KANSL1: variants seen among roughly 807,000 people sequenced by gnomAD.
KANSL1 encodes the protein MLL1/MLL complex subunit KANSL1.
Under a neutral mutation model 103.6 loss-of-function variants are expected in KANSL1, and 22 were observed. The ratio of observed to expected loss-of-function variants is 0.21; its 90% CI spans 0.15 to 0.30. KANSL1 has a LOEUF of 0.30. KANSL1 is among the 10% of genes least tolerant of loss of function. The pLI is 1.00. For synonymous variants in KANSL1, 600 were observed against 527.6 expected (o/e 1.14, Z -1.88); for missense variants, 1,337 against 1,399.8 (o/e 0.96, Z 0.72).
chr17:46,128,404 G>A (rs945501534), intron 2 of KANSL1, among the ~76,000 whole-genome samples: 4 of 152,140 alleles, frequency 2.6e-5, no homozygotes, highest in African/African-American at 7.2e-5. Context: ...CCCCTAACAG[G>A]AGGAAATTCA....
chr17:46,096,245 T>C (rs2042058305), intron 2 of KANSL1, among the ~76,000 whole-genome samples: 3 of 149,056 alleles, frequency 2.0e-5, no homozygotes, highest in Non-Finnish European at 1.5e-5. Flanking sequence ...TTGCTTAAGC[T>C]ATCCTCCCAC....
intron 1 of KANSL1, chr17:46,222,100 TA>T (rs2048549535): frequency 2.0e-5 from 3 of 148,740 alleles, no homozygotes. Flanking sequence ...GTAAGGAACA[TA>T]ATATTAAGGC....
chr17:46,033,099 G>T lies in KANSL1; in HGVS notation c.2818C>A (p.Pro940Thr). ...CATCACCTGCTGCCCCGCCGCTGGG[G>T]TGGCACACTCGTGGTCCACAGCCAC... ...ARWLWTTSVPPQRRGSRSYRS... is the reference protein window; with the variant it reads ...ARWLWTTSVPTQRRGSRSYRS... Residue 940 changes from proline (P) to threonine (T), a missense_variant, in exon 13 of 15, where the codon CCC becomes ACC. Pro to Thr is a conservative substitution (Grantham distance 38). This residue lies in a region of KANSL1 where 780 missense variants were observed against 923.4 expected (regional missense o/e 0.84). Coordinates refer to ENST00000432791, the MANE Select transcript of KANSL1 (RefSeq NM_015443.4). 6.3e-7 allele frequency: 1 copy of T among 1,593,614 alleles called. No individual in the cohort carries two copies. Among genetic ancestry groups the T allele is most frequent in the Non-Finnish European group, 8.6e-7 (1 of 1,169,564 alleles).
chr17:46,111,514 G>A (rs2042804114), intron 2 of KANSL1, among the ~76,000 whole-genome samples: 1 of 152,112 alleles, frequency 6.6e-6, no homozygotes, highest in Non-Finnish European at 1.5e-5. Flanking sequence ...CCAACCGAAA[G>A]AGAATATTAA....
At chr17:46,107,968 C>T (rs2042641617) in intron 2 of KANSL1, among the ~76,000 whole-genome samples, 1 of 152,178 alleles carries the variant, frequency 6.6e-6, no homozygotes, top group Non-Finnish European at 1.5e-5. Context: ...CCACTTCTTG[C>T]CACTTCATTG....
chr17:46,072,398 T>G (rs1048506912), intron 4 of KANSL1, among the ~76,000 whole-genome samples: 5 of 152,190 alleles, frequency 3.3e-5, no homozygotes, highest in African/African-American at 1.2e-4. Flanking sequence ...AGTCAACAGT[T>G]CAGTTTTGGT....
chr17:46,161,848 C>A (rs1195601896), intron 2 of KANSL1, among the ~76,000 whole-genome samples: 3 of 152,138 alleles, frequency 2.0e-5, no homozygotes, highest in African/African-American at 7.2e-5. Flanking sequence ...TACAATGCTA[C>A]TAAATAGGCT....
At chr17:46,058,729 ACACACACACACACACTCTCT>A (rs2078020409) in intron 6 of KANSL1, among the ~76,000 whole-genome samples, 1 of 73,240 alleles carries the variant, frequency 1.4e-5, no homozygotes, top group African/African-American at 5.5e-5. Flanking sequence ...ACACACACAC[ACACACACACACACACTCTCT>A]CTCTCTCTCT....
At chr17:46,086,002 T>C (rs2079149235) in intron 3 of KANSL1, among the ~76,000 whole-genome samples, 1 of 152,248 alleles carries the variant, frequency 6.6e-6, no homozygotes, top group South Asian at 2.1e-4. Context: ...CCATGTCCCT[T>C]AGCAGAGTCA....
chr17:46,055,144 C>T (rs922308120), intron 6 of KANSL1, among the ~76,000 whole-genome samples: 11 of 151,484 alleles, frequency 7.3e-5, no homozygotes, highest in African/African-American at 2.4e-4. Context: ...CCACCGTGTC[C>T]GGCCCAAAGT....
rs148847759 is a variant in KANSL1 at position 46,172,002 on chromosome 17, C to T, written c.142G>A (p.Gly48Arg). 49 of 1,614,128 alleles carry T rather than the reference C, an allele frequency of 3.0e-5. No homozygotes were observed. The highest frequency in any genetic ancestry group is 5.3e-5 in the African/African-American group (4 of 74,938). The change falls in exon 2 of 15, where the codon GGA (glycine) becomes AGA (arginine). Residue 48 changes from glycine (G) to arginine (R), a missense_variant. Physicochemically the swap from Gly to Arg is moderately radical, Grantham distance 125. Coordinates refer to ENST00000432791, the MANE Select transcript of KANSL1 (RefSeq NM_015443.4). Reference protein sequence around the residue: ...GNANILIAANGTKRKAIAAED... With the variant: ...GNANILIAANRTKRKAIAAED... ...GCAGCAATGGCTTTTCTTTTGGTTC[C>T]GTTGGCAGCAATAAGGATGTTGGCG...
At chr17:46,200,482 C>T (rs2047763548) in intron 1 of KANSL1, among the ~76,000 whole-genome samples, 1 of 152,228 alleles carries the variant, frequency 6.6e-6, no homozygotes, top group Admixed American at 6.5e-5. Flanking sequence ...GTAGCTCATG[C>T]CTGTAATCCC....
chr17:46,083,044 C>T (rs11656663), intron 3 of KANSL1, among the ~76,000 whole-genome samples: 2,876 of 152,296 alleles, frequency 0.019, 26 homozygotes, highest in Middle Eastern at 0.041. Context: ...TTCTTAAAAG[C>T]TGGCCCAAAG....
chr17:46,057,532 A>G (rs1173831624), intron 6 of KANSL1, among the ~76,000 whole-genome samples: 1 of 152,150 alleles, frequency 6.6e-6, no homozygotes, highest in African/African-American at 2.4e-5. Context: ...GGTCCAGGCA[A>G]TGATCACCAG....
intron 2 of KANSL1, among the ~76,000 whole-genome samples, chr17:46,137,609 C>T (rs1472859362): frequency 6.6e-6 from 1 of 152,198 alleles, no homozygotes; most frequent in Non-Finnish European, 1.5e-5. Context: ...GGCGCGGTAG[C>T]TCATGCCTGT....
chr17:46,059,943 A>AG lies in KANSL1; in HGVS notation c.1848+6593dup, dbSNP rs1457991260. On this transcript the variant is annotated intron_variant, in intron 6 of 14. Coordinates refer to ENST00000432791, the MANE Select transcript of KANSL1 (RefSeq NM_015443.4). ...GCGAGACTCCATCTTGGGGGAGGGG[A>AG]GGGGGACAAAAAACAAACAACAACA... 2.6e-5 allele frequency among the ~76,000 whole-genome samples: 4 copies of AG among 152,042 alleles called. No individual in the cohort carries two copies. In the East Asian group the frequency reaches 7.8e-4, roughly 29 times the overall value.
chr17:46,104,526 A>G (rs183108324), intron 2 of KANSL1, among the ~76,000 whole-genome samples: 1 of 152,362 alleles, frequency 6.6e-6, no homozygotes, highest in Non-Finnish European at 1.5e-5. Context: ...TATGGGAACT[A>G]CCATGTGTTT....
intron 1 of KANSL1, among the ~76,000 whole-genome samples, chr17:46,210,502 A>ATAT (rs1567806919): frequency 4.6e-5 from 7 of 151,058 alleles, no homozygotes; most frequent in Non-Finnish European, 5.9e-5. Flanking sequence ...AAAAAAAAAA[A>ATAT]GACCTGAGTG....
At chr17:46,176,667 G>A (rs181274917) in intron 1 of KANSL1, among the ~76,000 whole-genome samples, 90 of 150,322 alleles carry the variant, frequency 6.0e-4, no homozygotes, top group Admixed American at 5.3e-3. Context: ...CTCCAGCCGG[G>A]GCAACAAGAG....
Sources: gnomAD v4.1 joint callset for allele counts (sites outside exome capture counted in the v4.1 genomes callset) on GRCh38, gnomAD v4.1.1 for gene constraint, gnomAD v4.1.1 regional missense constraint, MANE v1.5 for transcripts, NCBI Gene and HGNC (gene_info 2026-07-23, HGNC 2026-07-21) for gene names.